Variants in DHX57 observed in about 807,000 individuals in gnomAD.
DHX57 encodes the protein DExH-box helicase 57.
Under a neutral mutation model 156.2 loss-of-function variants are expected in DHX57, and 105 were observed. That is an observed-to-expected ratio of 0.67 (90% CI 0.57 to 0.79). The LOEUF is 0.79. Ranked by LOEUF, DHX57 falls within the 30% of genes least tolerant of loss-of-function variation. The pLI is 0.00. For synonymous variants in DHX57, 704 were observed against 595.6 expected (o/e 1.18, Z -2.65); for missense variants, 1,847 against 1,661.9 (o/e 1.11, Z -1.94).
rs931663480 is a variant in DHX57 at position 38,862,297 on chromosome 2, A to G, written c.420T>C (p.Pro140=). 6.2e-7 allele frequency: 1 copy of G among 1,603,082 alleles called. No homozygotes were observed. Among genetic ancestry groups the G allele is most frequent in the Non-Finnish European group, 8.5e-7 (1 of 1,172,864 alleles). Residue 140 remains proline (P), a synonymous_variant, in exon 4 of 24, where the codon CCT becomes CCC. Coordinates refer to ENST00000457308, the MANE Select transcript of DHX57 (RefSeq NM_198963.3). ...GLSGEEEDDE[P]DCCNDERYWP... ...AGTACCGCTCATCGTTACAGCAATC[A>G]GGCTCATCATCTTCCTCCTCCCCAG...
At chr2:38,835,297 T>C (rs987031731) in intron 13 of DHX57, among the ~76,000 whole-genome samples, 2 of 152,182 alleles carry the variant, frequency 1.3e-5, no homozygotes, top group Non-Finnish European at 2.9e-5. Flanking sequence ...ATCTACTCTT[T>C]TGTGCAAATG....
chr2:38,852,056 T>C (rs1038053967), intron 9 of DHX57, among the ~76,000 whole-genome samples: 1 of 152,122 alleles, frequency 6.6e-6, no homozygotes, highest in African/African-American at 2.4e-5. Context: ...ATTATTTCTT[T>C]TTCTTTTGGT....
In DHX57 at chr2:38,870,450, A is replaced by G. The variant is rs571162500; in HGVS notation, c.-6-2039T>C. Among the ~76,000 whole-genome samples the G allele has an allele frequency of 2.0e-4, 30 of 152,388 alleles. 1 individual carries two copies. Among genetic ancestry groups the G allele is most frequent in the African/African-American group, 6.0e-4 (25 of 41,598 alleles). On this transcript the variant is annotated intron_variant, in intron 1 of 23. Transcript: ENST00000457308. ...AAAAATGTTGAAGGTCAAAAGACAAAGAGAAAATCATGAAAGGAGTAAGAG... is the reference window on the plus strand; with the variant it reads ...AAAAATGTTGAAGGTCAAAAGACAAGGAGAAAATCATGAAAGGAGTAAGAG...
intron 2 of DHX57, among the ~76,000 whole-genome samples, chr2:38,864,021 A>C (rs1664914518): frequency 6.6e-6 from 1 of 152,002 alleles, no homozygotes; most frequent in Non-Finnish European, 1.5e-5. Context: ...AAAAAAAAAA[A>C]AAACAACAAA....
rs748988265 is a variant in DHX57, at chr2:38,848,360, C to T, written c.2073G>A (p.Arg691=). ...LLVLKDIVSQ[R]PGLQVILMSA... The stretch of plus-strand genomic sequence containing the variant: ...TCATTAAAATAACTTGAAGACCTGG[C>T]CTCTGCGATACAATGTCCTTCAAAA... Residue 691 remains arginine, a synonymous_variant, in exon 10 of 24, where the codon AGG becomes AGA. Transcript: ENST00000457308. 1 of 1,611,364 alleles carries T rather than the reference C, an allele frequency of 6.2e-7. No homozygotes were observed. The highest frequency in any genetic ancestry group is 8.5e-7 in the Non-Finnish European group (1 of 1,178,950).
At chr2:38,812,614 A>G (rs1423353454) in intron 21 of DHX57, among the ~76,000 whole-genome samples, 4 of 151,986 alleles carry the variant, frequency 2.6e-5, no homozygotes, top group Non-Finnish European at 5.9e-5. Context: ...CCTCACCACA[A>G]CCTCTGCCTC....
chr2:38,825,839 G>C lies in DHX57; in HGVS notation c.3014+8C>G. The C allele has an allele frequency of 6.2e-7, 1 of 1,614,064 alleles. No individual in the cohort carries two copies. The highest frequency in any genetic ancestry group is 8.5e-7 in the Non-Finnish European group (1 of 1,179,954). On this transcript the variant is annotated splice_region_variant and intron_variant, in intron 16 of 23. Transcript: ENST00000457308. ...TTTGGAAGCAAAACACAAAAAACCA[G>C]ATGTCACCTTAGACACAGCTGTTCC...
At chr2:38,834,938 A>T (rs3099992) in intron 13 of DHX57, among the ~76,000 whole-genome samples, 36,550 of 152,164 alleles carry the variant, frequency 0.24, 4,551 homozygotes, top group Admixed American at 0.28. Context: ...GCTATAAGGC[A>T]TACCTGTATG....
intron 13 of DHX57, among the ~76,000 whole-genome samples, chr2:38,833,311 T>A (rs1477203390): frequency 6.6e-6 from 1 of 151,946 alleles, no homozygotes. Flanking sequence ...CCCAGCTAAT[T>A]TTTGTATTTT....
intron 23 of DHX57, among the ~76,000 whole-genome samples, chr2:38,798,841 G>T (rs867180552): frequency 2.6e-5 from 4 of 152,150 alleles, no homozygotes; most frequent in Admixed American, 6.5e-5. Context: ...CTACTCAGAG[G>T]CTGAGGCAGG....
chr2:38,814,638 T>C (rs3112218), intron 20 of DHX57, among the ~76,000 whole-genome samples: 144,824 of 152,298 alleles, frequency 0.95, 69,307 homozygotes, highest in East Asian at 1. Flanking sequence ...AAAATTCTAC[T>C]GGAAGTCTAT....
chr2:38,826,035 G>C lies in DHX57; in HGVS notation c.2826C>G (p.Ser942Arg), dbSNP rs1202880753. Residue 942 changes from serine (S) to arginine (R), a missense_variant, in exon 16 of 24, where the codon AGC becomes AGG. Physicochemically the swap from Ser to Arg is moderately radical, Grantham distance 110. Transcript: ENST00000457308. ...GKMKEKRYDA[S>R]KGMESLEDTF... is the part of the protein sequence containing the mutation. ...TGTCCTCTAGACTTTCCATCCCTTTGCTGGCATCATATCTATAAAGAAAAA... is the reference window on the plus strand; with the variant it reads ...TGTCCTCTAGACTTTCCATCCCTTTCCTGGCATCATATCTATAAAGAAAAA... The C allele has an allele frequency of 1.2e-6, 2 of 1,613,780 alleles. No homozygotes were observed. The highest frequency in any genetic ancestry group is 2.7e-5 in the African/African-American group (2 of 74,920).
chr2:38,843,652 A>G (rs557439434), intron 11 of DHX57, among the ~76,000 whole-genome samples: 1 of 152,320 alleles, frequency 6.6e-6, no homozygotes, highest in Non-Finnish European at 1.5e-5. Flanking sequence ...TTCTTAAAAC[A>G]TTTCAAAACT....
intron 19 of DHX57, among the ~76,000 whole-genome samples, chr2:38,816,567 A>T (rs116816555): frequency 0.039 from 5,988 of 152,246 alleles, 381 homozygotes; most frequent in African/African-American, 0.13. Context: ...AATGTGAGAA[A>T]GAAAGCACAA....
At chr2:38,864,633 A>G (rs1410341084) in intron 2 of DHX57, among the ~76,000 whole-genome samples, 1 of 152,016 alleles carries the variant, frequency 6.6e-6, no homozygotes, top group Non-Finnish European at 1.5e-5. Flanking sequence ...TCTTCTTTGG[A>G]TCATTCCCAT....
chr2:38,818,310 A>AGGT (rs1670645569), intron 19 of DHX57, among the ~76,000 whole-genome samples: 1 of 152,182 alleles, frequency 6.6e-6, no homozygotes, highest in African/African-American at 2.4e-5. Context: ...GCGGATCATG[A>AGGT]GGTCAGGAGT....
intron 9 of DHX57, among the ~76,000 whole-genome samples, chr2:38,850,947 T>G (rs1463895702): frequency 6.6e-6 from 1 of 152,004 alleles, no homozygotes; most frequent in Non-Finnish European, 1.5e-5. Flanking sequence ...CCTGGTGGCG[T>G]GCACCTGTAG....
In DHX57 at chr2:38,847,223, G is replaced by C. The variant is rs77691281; in HGVS notation, c.2165-150C>G. On this transcript the variant is annotated intron_variant, in intron 10 of 23. Transcript: ENST00000457308. ...AAAAGTATCAAGAAGAAAAGTTCTG[G>C]TAACAGAAATTGGAAAGGGCAGATT... 1,262 of 642,730 alleles carry C rather than the reference G, an allele frequency of 2.0e-3. 31 individuals are homozygous for C. In the East Asian group the frequency reaches 0.034, roughly 17 times the overall value. 39.8% of individuals were successfully genotyped at this position (642,730 alleles called of 1,614,324 possible).
rs146058338 is a variant in DHX57, at chr2:38,830,645, A to G, written c.2543-2209T>C. On this transcript the variant is annotated intron_variant, in intron 13 of 23. Coordinates refer to ENST00000457308, the MANE Select transcript of DHX57 (RefSeq NM_198963.3). ...CTCCGTCTCAATAAAAAAAAAAAAA[A>G]GAAGGCTACTAGTACCCCTACTAGT... 6.7e-4 allele frequency among the ~76,000 whole-genome samples: 102 copies of G among 151,814 alleles called. 3 individuals carry two copies. The East Asian group carries it at 0.018, about 27-fold the overall frequency.
Sources: allele counts gnomAD v4.1 joint callset (sites outside exome capture counted in the v4.1 genomes callset), GRCh38; gene constraint gnomAD v4.1.1; transcripts MANE v1.5; gene names NCBI Gene and HGNC (gene_info 2026-07-23, HGNC 2026-07-21).